The following ARID5B variants were observed in gnomAD, a reference collection of about 807,000 sequenced individuals.
ARID5B encodes AT-rich interactive domain-containing protein 5B.
A neutral mutation model predicts 97.2 loss-of-function variants in ARID5B; 13 were observed. That is an observed-to-expected ratio of 0.13 (90% confidence interval 0.09 to 0.21). ARID5B has a LOEUF of 0.21. Ranked by LOEUF, ARID5B falls within the 10% of genes least tolerant of loss-of-function variation. The pLI, the probability that ARID5B is intolerant of heterozygous loss-of-function variation, is 1.00. For synonymous variants in ARID5B, 556 were observed against 570.3 expected (o/e 0.97, Z 0.36); for missense variants, 1,210 against 1,465.3 (o/e 0.83, Z 2.84).
chr10:62,046,001 CCT>C (rs1839703505), intron 4 of ARID5B, among the ~76,000 whole-genome samples: 3 of 152,172 alleles, frequency 2.0e-5, no homozygotes, highest in Admixed American at 1.3e-4. Flanking sequence ...TTTCCATTCC[CCT>C]GATTCCAGTC....
At chr10:61,969,000 C>A (rs985986193) in intron 3 of ARID5B, among the ~76,000 whole-genome samples, 3 of 152,158 alleles carry the variant, frequency 2.0e-5, no homozygotes, top group African/African-American at 7.2e-5. Context: ...AGAGGCCTTC[C>A]ATCCACATGA....
intron 2 of ARID5B, among the ~76,000 whole-genome samples, chr10:61,919,090 T>C (rs1018980110): frequency 7.8e-6 from 1 of 128,534 alleles, no homozygotes; most frequent in Admixed American, 9.1e-5. Flanking sequence ...ATCTCTTCCA[T>C]TGGCCATGTC....
At chr10:62,001,230 TG>T (rs1306291258) in intron 4 of ARID5B, among the ~76,000 whole-genome samples, 1 of 152,100 alleles carries the variant, frequency 6.6e-6, no homozygotes, top group Non-Finnish European at 1.5e-5. Flanking sequence ...TCAAACTGCT[TG>T]TGTTCCTGGG....
At chr10:62,044,776 T>C (rs899176885) in intron 4 of ARID5B, among the ~76,000 whole-genome samples, 8 of 152,218 alleles carry the variant, frequency 5.3e-5, no homozygotes, top group African/African-American at 1.9e-4. Context: ...TATCTATTGT[T>C]CAAAATTCAT....
At chr10:61,961,055 T>A (rs562710604) in intron 3 of ARID5B, among the ~76,000 whole-genome samples, 2 of 152,252 alleles carry the variant, frequency 1.3e-5, no homozygotes, top group East Asian at 1.9e-4. Context: ...ACTTGATACA[T>A]GGTAGCATTA....
chr10:62,036,495 C>T (rs1418719088), intron 4 of ARID5B, among the ~76,000 whole-genome samples: 4 of 152,318 alleles, frequency 2.6e-5, no homozygotes, highest in Admixed American at 1.3e-4. Flanking sequence ...TGGGTCTGAG[C>T]AAACAGCTGG....
chr10:62,022,847 T>C (rs917790661), intron 4 of ARID5B, among the ~76,000 whole-genome samples: 3 of 152,238 alleles, frequency 2.0e-5, no homozygotes, highest in African/African-American at 7.2e-5. Context: ...CTCCTCATTG[T>C]GAACGATTCA....
At chr10:62,035,694 G>A (rs1366052634) in intron 4 of ARID5B, among the ~76,000 whole-genome samples, 1 of 151,814 alleles carries the variant, frequency 6.6e-6, no homozygotes, top group Non-Finnish European at 1.5e-5. Context: ...GTTTCACCAT[G>A]TTGGCCAGGC....
intron 4 of ARID5B, chr10:62,024,691 A>G (rs1839398177): frequency 5.0e-6 from 2 of 396,548 alleles, no homozygotes; most frequent in Non-Finnish European, 8.9e-6. Flanking sequence ...TTAACTTCCC[A>G]TTGTTCTTAC....
chr10:62,031,867 A>AT (rs1839501402), intron 4 of ARID5B, among the ~76,000 whole-genome samples: 1 of 152,134 alleles, frequency 6.6e-6, no homozygotes, highest in South Asian at 2.1e-4. Context: ...AAACCTCATG[A>AT]TTTTCAATTG....
chr10:61,987,037 T>C (rs550274670), intron 3 of ARID5B, among the ~76,000 whole-genome samples: 1 of 152,318 alleles, frequency 6.6e-6, no homozygotes, highest in East Asian at 1.9e-4. Context: ...GACATAGTGC[T>C]ACCTGGTGAA....
chr10:61,953,619 T>C (rs556714960), intron 3 of ARID5B, among the ~76,000 whole-genome samples: 45 of 152,304 alleles, frequency 3.0e-4, no homozygotes, highest in African/African-American at 7.7e-4. Flanking sequence ...GGAAAGAGCA[T>C]GAACTTTACA....
chr10:61,930,459 A>G (rs1844184885), intron 2 of ARID5B, among the ~76,000 whole-genome samples: 1 of 152,068 alleles, frequency 6.6e-6, no homozygotes. Context: ...GGTGGCTCAC[A>G]CCTGTAATCC....
chr10:61,903,412 G>C (rs1843653058), intron 2 of ARID5B, among the ~76,000 whole-genome samples: 1 of 152,216 alleles, frequency 6.6e-6, no homozygotes, highest in African/African-American at 2.4e-5. Flanking sequence ...TTTCATGTGT[G>C]ACCGCAGTTC....
At chr10:61,994,774 G>A (rs966425368) in intron 3 of ARID5B, among the ~76,000 whole-genome samples, 5 of 110,840 alleles carry the variant, frequency 4.5e-5, no homozygotes, top group East Asian at 2.9e-4. Flanking sequence ...CATTGAGAGA[G>A]GTTAACAAAA....
intron 8 of ARID5B, among the ~76,000 whole-genome samples, chr10:62,070,266 A>G (rs1290956143): frequency 1.3e-5 from 2 of 152,166 alleles, no homozygotes; most frequent in African/African-American, 4.8e-5. Context: ...TTTTTCTTCT[A>G]CGGAATCTTC....
intron 4 of ARID5B, among the ~76,000 whole-genome samples, chr10:62,003,928 A>C (rs916068558): frequency 6.6e-6 from 1 of 152,342 alleles, no homozygotes; most frequent in South Asian, 2.1e-4. Flanking sequence ...ATCTGCAATG[A>C]GTCCCTGTAA....
intron 9 of ARID5B, among the ~76,000 whole-genome samples, chr10:62,086,344 C>T (rs1840280108): frequency 6.6e-6 from 1 of 152,046 alleles, no homozygotes. Flanking sequence ...AATCCTAGCA[C>T]TCTGGGAGGC....
At chr10:62,086,709 A>C (rs66782966) in intron 9 of ARID5B, among the ~76,000 whole-genome samples, 3,266 of 113,932 alleles carry the variant, frequency 0.029, 266 homozygotes, top group African/African-American at 0.096. Flanking sequence ...AAAAAAAAAA[A>C]AAATATCAGG....
Sources: allele counts gnomAD v4.1 joint callset (sites outside exome capture counted in the v4.1 genomes callset), GRCh38; gene constraint gnomAD v4.1.1; transcripts MANE v1.5; gene names NCBI Gene and HGNC (gene_info 2026-07-23, HGNC 2026-07-21).